The following MTMR7 variants were observed in gnomAD, a reference collection of about 807,000 sequenced individuals.
MTMR7 encodes phosphatidylinositol-3-phosphate phosphatase MTMR7.
In MTMR7, 76 loss-of-function variants were observed where a neutral mutation model predicts 81.2. That is an observed-to-expected ratio of 0.94 (90% confidence interval 0.78 to 1.13). The LOEUF is 1.13. Ranked by LOEUF, MTMR7 falls within the 50% of genes most tolerant of loss-of-function variation. The pLI is 0.00. For synonymous variants in MTMR7, 372 were observed against 289.8 expected, an observed-to-expected ratio of 1.28 and a Z score of -2.88; for missense variants, 1,044 against 820.0, an observed-to-expected ratio of 1.27 and a Z score of -3.34.
chr8:17,311,607 A>C lies in MTMR7; in HGVS notation c.1005T>G (p.Leu335=), dbSNP rs528839769. 38 of 1,614,104 alleles carry C rather than the reference A, an allele frequency of 2.4e-5. No homozygotes were observed. The East Asian group carries it at 8.0e-4, about 34-fold the overall frequency. Residue 335 remains leucine, a synonymous_variant, in exon 9 of 14, where the codon CTT becomes CTG. Transcript: ENST00000180173. The stretch of plus-strand genomic sequence containing the variant: ...TGTCCCAGCCATCAGAACAGTGAAC[A>C]AGCACACTTGCCCCTTCCTCTGACA... ...KAVSEEGASV[L]VHCSDGWDRT... is the part of the protein sequence containing the mutation.
intron 5 of MTMR7, among the ~76,000 whole-genome samples, chr8:17,344,483 C>T (rs7833905): frequency 0.12 from 18,556 of 152,016 alleles, 1,382 homozygotes; most frequent in African/African-American, 0.21. Context: ...TGGTGGTGCA[C>T]GCCTGTAATC....
chr8:17,315,821 A>G (rs1247619471), intron 7 of MTMR7, among the ~76,000 whole-genome samples: 1 of 152,146 alleles, frequency 6.6e-6, no homozygotes, highest in Non-Finnish European at 1.5e-5. Flanking sequence ...AGAACAGCCT[A>G]TATAAAGTAG....
intron 7 of MTMR7, among the ~76,000 whole-genome samples, chr8:17,320,434 A>T (rs1434937462): frequency 1.3e-5 from 2 of 152,128 alleles, no homozygotes; most frequent in Non-Finnish European, 2.9e-5. Context: ...CAACAAGGCA[A>T]TTGGGAAGGG....
intron 3 of MTMR7, among the ~76,000 whole-genome samples, chr8:17,364,677 T>G (rs1168791414): frequency 6.6e-6 from 1 of 152,174 alleles, no homozygotes; most frequent in Non-Finnish European, 1.5e-5. Context: ...ATGGTATTTG[T>G]TATGTTTGGC....
intron 4 of MTMR7, among the ~76,000 whole-genome samples, chr8:17,357,573 A>C (rs1455114699): frequency 6.6e-6 from 1 of 152,196 alleles, no homozygotes; most frequent in Non-Finnish European, 1.5e-5. Flanking sequence ...CATAGCTATC[A>C]CAAAATGATG....
chr8:17,367,410 G>A (rs988516548), intron 3 of MTMR7, among the ~76,000 whole-genome samples: 6 of 152,254 alleles, frequency 3.9e-5, no homozygotes, highest in East Asian at 3.9e-4. Context: ...TCTGAGAAAC[G>A]GGTCTTTTCA....
At chr8:17,393,518 C>T (rs138997941) in intron 1 of MTMR7, among the ~76,000 whole-genome samples, 3 of 152,220 alleles carry the variant, frequency 2.0e-5, no homozygotes, top group African/African-American at 7.2e-5. Context: ...ATTTACAGCT[C>T]AACATTAAAA....
chr8:17,327,334 G>A (rs1401678988), intron 7 of MTMR7, among the ~76,000 whole-genome samples: 3 of 152,122 alleles, frequency 2.0e-5, no homozygotes, highest in African/African-American at 7.2e-5. Flanking sequence ...CCAGTGGCAC[G>A]ATCATGGCTT....
intron 1 of MTMR7, among the ~76,000 whole-genome samples, chr8:17,409,487 G>T (rs1821683106): frequency 6.6e-6 from 1 of 151,974 alleles, no homozygotes; most frequent in Non-Finnish European, 1.5e-5. Flanking sequence ...CAAACAAAAA[G>T]TAATGAATTA....
At chr8:17,300,749 T>C (rs1817057453) in intron 13 of MTMR7, among the ~76,000 whole-genome samples, 1 of 152,208 alleles carries the variant, frequency 6.6e-6, no homozygotes, top group African/African-American at 2.4e-5. Flanking sequence ...GAAAACCCCA[T>C]ACTCATTAGC....
At chr8:17,348,882 A>G in intron 5 of MTMR7, 71 bp downstream of exon 5, 1 of 1,571,456 alleles carries the variant, frequency 6.4e-7, no homozygotes, top group Non-Finnish European at 8.7e-7. Flanking sequence ...AGCAGAAGGC[A>G]GCTAGAAAAT....
intron 5 of MTMR7, chr8:17,345,949 A>G (rs552623535): frequency 6.6e-6 from 1 of 152,348 alleles, no homozygotes; most frequent in African/African-American, 2.4e-5. Context: ...ATACTCTTTA[A>G]GCCTAAAATG....
intron 7 of MTMR7, among the ~76,000 whole-genome samples, chr8:17,318,040 A>C (rs930430989): frequency 1.3e-5 from 2 of 152,122 alleles, no homozygotes; most frequent in African/African-American, 2.4e-5. Context: ...GCTGGAACTG[A>C]GACTCCCTAC....
intron 9 of MTMR7, among the ~76,000 whole-genome samples, chr8:17,310,250 C>T (rs1748227654): frequency 6.6e-6 from 1 of 152,098 alleles, no homozygotes; most frequent in Non-Finnish European, 1.5e-5. Flanking sequence ...AGCCTCCCTC[C>T]TTAACCTCCC....
intron 3 of MTMR7, among the ~76,000 whole-genome samples, chr8:17,363,534 C>T (rs1820120955): frequency 1.3e-5 from 2 of 152,178 alleles, no homozygotes; most frequent in Admixed American, 6.5e-5. Context: ...TTATAACAGA[C>T]ATTAAGCAGA....
intron 6 of MTMR7, among the ~76,000 whole-genome samples, chr8:17,331,774 TC>T (rs1290794509): frequency 6.6e-6 from 1 of 152,140 alleles, no homozygotes; most frequent in Non-Finnish European, 1.5e-5. Flanking sequence ...GCCCACAAGA[TC>T]CCTCAGATGC....
At chr8:17,412,830 C>T (rs983265012) in intron 1 of MTMR7, among the ~76,000 whole-genome samples, 2 of 152,286 alleles carry the variant, frequency 1.3e-5, no homozygotes, top group Admixed American at 6.5e-5. Flanking sequence ...ATTTAACAAG[C>T]TTCCAAGCGC....
intron 4 of MTMR7, among the ~76,000 whole-genome samples, chr8:17,355,013 G>A (rs896320240): frequency 1.3e-5 from 2 of 152,028 alleles, no homozygotes; most frequent in Non-Finnish European, 2.9e-5. Flanking sequence ...AAGAAATGCT[G>A]AGTAACTCAT....
intron 13 of MTMR7, among the ~76,000 whole-genome samples, chr8:17,300,893 C>T (rs1052825651): frequency 1.2e-4 from 19 of 152,208 alleles, no homozygotes; most frequent in Non-Finnish European, 1.9e-4. Context: ...TTGTATCTGG[C>T]TTCCTTCACT....
Sources: allele counts gnomAD v4.1 joint callset (sites outside exome capture counted in the v4.1 genomes callset), GRCh38; gene constraint gnomAD v4.1.1; transcripts MANE v1.5; gene names NCBI Gene and HGNC (gene_info 2026-07-23, HGNC 2026-07-21).